Variants in ORC5 observed in about 807,000 individuals in gnomAD.
The protein encoded by ORC5 is protein phosphatase 1, regulatory subunit 117.
ORC5 carries 39 observed loss-of-function variants against 58.8 expected under a neutral mutation model. The ratio of observed to expected loss-of-function variants is 0.66; its 90% confidence interval spans 0.51 to 0.87. The LOEUF (loss-of-function observed/expected upper bound fraction) is 0.87, where lower values mean the gene tolerates loss of function less well. Ranked by LOEUF, ORC5 falls within the 40% of genes least tolerant of loss-of-function variation. The probability of loss-of-function intolerance (pLI) is 0.00; values close to 1 mark genes in which losing one functional copy is unlikely to be tolerated. For missense variants in ORC5, 493 were observed against 506.3 expected (o/e 0.97, Z 0.25); for synonymous variants, 218 against 177.6 (o/e 1.23, Z -1.81).
chr7:104,171,860 A>G (rs1799217848), intron 8 of ORC5, among the ~76,000 whole-genome samples: 2 of 152,168 alleles, frequency 1.3e-5, no homozygotes, highest in African/African-American at 4.8e-5. Context: ...GTCTCAAAAA[A>G]ACAAAAAAAC....
intron 8 of ORC5, among the ~76,000 whole-genome samples, chr7:104,174,526 C>T (rs1799281413): frequency 6.6e-6 from 1 of 152,178 alleles, no homozygotes; most frequent in Non-Finnish European, 1.5e-5. Flanking sequence ...TTACAGAAGG[C>T]AGCTAGTCAG....
At chr7:104,160,960 G>A in intron 12 of ORC5, 112 bp downstream of exon 12, 1 of 676,398 alleles carries the variant, frequency 1.5e-6, no homozygotes, top group East Asian at 2.8e-5. Flanking sequence ...TCATTATATA[G>A]TTAAAACAGT....
chr7:104,200,800 T>C lies in ORC5; in HGVS notation c.324A>G (p.Gln108=), dbSNP rs1182463493. 2 of 1,611,972 alleles carry C rather than the reference T, an allele frequency of 1.2e-6. No homozygotes were observed. The highest frequency in any genetic ancestry group is 1.7e-6 in the Non-Finnish European group (2 of 1,178,360). The stretch of plus-strand genomic sequence containing the variant: ...CTTTAAGATTTTCAGCTGTGGTTAC[T>C]TGTTTAAACAAGCGAACAAAGTCAT... ...TFNDFVRLFK[Q]VTTAENLKDQ... Residue 108 remains glutamine (Q), a synonymous_variant, in exon 3 of 14, where the codon CAA becomes CAG. Transcript: ENST00000297431.
intron 3 of ORC5, 64 bp downstream of exon 3, chr7:104,200,694 A>C: frequency 9.7e-7 from 1 of 1,032,906 alleles, no homozygotes; most frequent in Non-Finnish European, 1.5e-6. Context: ...AATATATGAA[A>C]ATTGATCTAA....
At chr7:104,200,560 C>T (rs539880468) in intron 3 of ORC5, among the ~76,000 whole-genome samples, 198 bp downstream of exon 3, 1 of 152,222 alleles carries the variant, frequency 6.6e-6, no homozygotes, top group Non-Finnish European at 1.5e-5. Context: ...TGCATGTAGT[C>T]GTATGTATGT....
intron 13 of ORC5, among the ~76,000 whole-genome samples, chr7:104,135,989 T>A (rs1302336235): frequency 1.3e-5 from 2 of 152,186 alleles, no homozygotes; most frequent in African/African-American, 4.8e-5. Flanking sequence ...TGAAGTCACT[T>A]ATTCATATAA....
intron 12 of ORC5, among the ~76,000 whole-genome samples, 162 bp from the exon 13 acceptor site, chr7:104,137,055 T>A (rs1325106158): frequency 2.0e-5 from 3 of 150,570 alleles, no homozygotes; most frequent in Non-Finnish European, 4.4e-5. Context: ...TTTGTACATA[T>A]GTTTTCCAGT....
In ORC5 at chr7:104,197,807, A is replaced by G. The variant is rs1241591568; in HGVS notation, c.367-8T>C. ...CTCTGCTTTATCTAGAACCTTTAAA[A>G]AACAAAAAAACAAAACAAAAAGAAA... is the stretch of plus-strand genomic sequence containing the variant. On this transcript the variant is annotated splice_polypyrimidine_tract_variant and splice_region_variant and intron_variant, in intron 3 of 13. Transcript: ENST00000297431. 2.7e-6 allele frequency: 4 copies of G among 1,486,936 alleles called. No homozygotes were observed. Among genetic ancestry groups the G allele is most frequent in the Non-Finnish European group, 3.6e-6 (4 of 1,096,460 alleles). 92.1% of individuals were successfully genotyped at this position (1,486,936 alleles called of 1,614,324 possible). A position where few individuals can be genotyped will look rare whatever the true frequency, so the allele number is the denominator to read the frequency against.
intron 9 of ORC5, chr7:104,168,124 T>C (rs1484384616): frequency 2.9e-6 from 1 of 342,936 alleles, no homozygotes; most frequent in East Asian, 8.6e-5. Flanking sequence ...AACATAAAAT[T>C]ACATTTTATT....
chr7:104,186,197 A>G (rs1281452417), intron 6 of ORC5, among the ~76,000 whole-genome samples: 1 of 151,494 alleles, frequency 6.6e-6, no homozygotes. Context: ...GTGAGGGTCC[A>G]CTTGTCTACA....
At chr7:104,202,105 A>AC (rs2116098699) in intron 2 of ORC5, among the ~76,000 whole-genome samples, 1 of 72,970 alleles carries the variant, frequency 1.4e-5, no homozygotes, top group East Asian at 8.2e-4. Flanking sequence ...AAAACAAAAC[A>AC]AAAAAAACTA....
intron 12 of ORC5, among the ~76,000 whole-genome samples, chr7:104,153,901 T>C (rs1798883448): frequency 6.6e-6 from 1 of 152,136 alleles, no homozygotes; most frequent in African/African-American, 2.4e-5. Flanking sequence ...CTGACTAGCG[T>C]TTAATGAATG....
In ORC5 at chr7:104,180,268, T is replaced by C. The variant is rs183034603; in HGVS notation, c.824+3675A>G. 9.8e-5 allele frequency among the ~76,000 whole-genome samples: 15 copies of C among 152,350 alleles called. No individual in the cohort carries two copies. In the East Asian group the frequency reaches 2.5e-3, roughly 25 times the overall value. ...TTCCCATAAGGAGAAGCAATCATAC[T>C]GCAAGAGGTTTTTCTTTACTTTTTT... On this transcript the variant is annotated intron_variant, in intron 8 of 13. Coordinates refer to ENST00000297431, the MANE Select transcript of ORC5 (RefSeq NM_002553.4).
At chr7:104,187,365 C>A (rs1799569916) in intron 6 of ORC5, among the ~76,000 whole-genome samples, 1 of 152,152 alleles carries the variant, frequency 6.6e-6, no homozygotes, top group African/African-American at 2.4e-5. Flanking sequence ...CAAAAACATA[C>A]TAAATGTGAG....
intron 12 of ORC5, among the ~76,000 whole-genome samples, chr7:104,144,397 T>C (rs553325146): frequency 1.2e-4 from 19 of 152,326 alleles, no homozygotes; most frequent in Admixed American, 2.6e-4. Context: ...ATCCTTAAAT[T>C]GGCTAATTTT....
chr7:104,130,493 T>G (rs1473412500), intron 13 of ORC5, among the ~76,000 whole-genome samples: 1 of 152,186 alleles, frequency 6.6e-6, no homozygotes. Context: ...TGGTGTCCTG[T>G]GCAAAAAGCT....
At chr7:104,152,367 C>A (rs1413889749) in intron 12 of ORC5, among the ~76,000 whole-genome samples, 1 of 152,142 alleles carries the variant, frequency 6.6e-6, no homozygotes, top group African/African-American at 2.4e-5. Context: ...AGGTCTCGAA[C>A]TCCTGGGTGC....
Position 104,129,706 on chromosome 7 carries a change from T to C in ORC5, c.1263-2813A>G, listed in dbSNP as rs944275023. Among the ~76,000 whole-genome samples, 23 of 152,340 alleles carry C rather than the reference T, an allele frequency of 1.5e-4. No individual in the cohort carries two copies. The highest frequency in any genetic ancestry group is 5.5e-4 in the African/African-American group (23 of 41,588). On this transcript the variant is annotated intron_variant, in intron 13 of 13. Transcript: ENST00000297431. The surrounding 1 kb of genome is among the most constrained non-coding windows in gnomAD (Gnocchi z 4.9). Reference sequence around the variant, plus strand: ...TGCATGGATGTTCCCTGGCTTTCCATGGTCACAGATGCATATTATAGTCAC... The same window carrying C: ...TGCATGGATGTTCCCTGGCTTTCCACGGTCACAGATGCATATTATAGTCAC...
chr7:104,197,800 C>G lies in ORC5; in HGVS notation c.367-1G>C, dbSNP rs1216641052. On this transcript the variant is annotated splice_acceptor_variant, in intron 3 of 13. Transcript: ENST00000297431. LOFTEE classifies it high-confidence loss of function. ...TTAGATACTCTGCTTTATCTAGAACCTTTAAAAAACAAAAAAACAAAACAA... is the reference window on the plus strand; with the variant it reads ...TTAGATACTCTGCTTTATCTAGAACGTTTAAAAAACAAAAAAACAAAACAA... 2 of 1,542,192 alleles carry G rather than the reference C, an allele frequency of 1.3e-6. No individual in the cohort carries two copies. Among genetic ancestry groups the G allele is most frequent in the Non-Finnish European group, 8.7e-7 (1 of 1,143,410 alleles).
Sources: gnomAD v4.1 joint callset for allele counts (sites outside exome capture counted in the v4.1 genomes callset) on GRCh38, gnomAD v4.1.1 for gene constraint, Gnocchi (gnomAD v3.1) non-coding constraint, MANE v1.5 for transcripts, NCBI Gene and HGNC (gene_info 2026-07-23, HGNC 2026-07-21) for gene names.